Variants in DNAJC13 observed in about 807,000 individuals in gnomAD.
DNAJC13 encodes DnaJ heat shock protein family (Hsp40) member C13.
In DNAJC13, 75 loss-of-function variants were observed where a neutral mutation model predicts 290.5. That is an observed-to-expected ratio of 0.26 (90% confidence interval 0.21 to 0.31). The LOEUF (loss-of-function observed/expected upper bound fraction) is 0.31. Among genes scored for constraint, DNAJC13 ranks in the 10% least tolerant of loss-of-function variants. The probability of loss-of-function intolerance (pLI) is 1.00; values close to 1 mark genes in which losing one functional copy is unlikely to be tolerated. For synonymous variants in DNAJC13, 862 were observed against 892.0 expected (o/e 0.97, Z 0.60); for missense variants, 2,260 against 2,674.5 (o/e 0.85, Z 3.42).
intron 34 of DNAJC13, among the ~76,000 whole-genome samples, chr3:132,494,741 G>A (rs1336228468): frequency 6.6e-6 from 1 of 152,032 alleles, no homozygotes; most frequent in Non-Finnish European, 1.5e-5. Context: ...GTATATTTTG[G>A]CAAGACTGAT....
Position 132,447,485 on chromosome 3 carries a change from T to A in DNAJC13, c.294+15T>A. 1 of 1,543,384 alleles carries A rather than the reference T, an allele frequency of 6.5e-7. No homozygotes were observed. ...CAGAAGCATTGGTAAGAAGATTCCA[T>A]GTTCATAAATAAAATTTCTTTCTTC... On this transcript the variant is annotated intron_variant, in intron 4 of 55. Coordinates refer to ENST00000260818, the MANE Select transcript of DNAJC13 (RefSeq NM_015268.4).
At chr3:132,509,663 C>T (rs958588244) in intron 43 of DNAJC13, among the ~76,000 whole-genome samples, 1 of 152,180 alleles carries the variant, frequency 6.6e-6, no homozygotes, top group African/African-American at 2.4e-5. Context: ...CTTTGTTTTA[C>T]TTTGGGAAGC....
intron 12 of DNAJC13, among the ~76,000 whole-genome samples, 158 bp from the exon 13 acceptor site, chr3:132,457,110 GA>G (rs1353733539): frequency 6.6e-6 from 1 of 152,028 alleles, no homozygotes; most frequent in African/African-American, 2.4e-5. Flanking sequence ...CCCTCTCAAA[GA>G]AAAAACTATT....
intron 21 of DNAJC13, among the ~76,000 whole-genome samples, 198 bp downstream of exon 21, chr3:132,473,425 T>C (rs1934355895): frequency 6.6e-6 from 1 of 152,212 alleles, no homozygotes; most frequent in Non-Finnish European, 1.5e-5. Flanking sequence ...AGTGATAGTC[T>C]GAGGAACTAA....
chr3:132,536,932 T>TACC (rs775722667), intron 55 of DNAJC13, among the ~76,000 whole-genome samples: 95 of 152,304 alleles, frequency 6.2e-4, no homozygotes, highest in Non-Finnish European at 1.3e-3. Flanking sequence ...GGCACTCTGG[T>TACC]TGGCTTCAGT....
At chr3:132,440,717 A>G (rs1212441883) in intron 2 of DNAJC13, among the ~76,000 whole-genome samples, 1 of 152,242 alleles carries the variant, frequency 6.6e-6, no homozygotes, top group African/African-American at 2.4e-5. Flanking sequence ...TTGGGAAGAA[A>G]TCTGTGATAG....
intron 51 of DNAJC13, among the ~76,000 whole-genome samples, 198 bp from the exon 52 acceptor site, chr3:132,525,412 C>T (rs544964436): frequency 1.3e-5 from 2 of 152,300 alleles, no homozygotes; most frequent in South Asian, 4.1e-4. Context: ...ATAGCATATT[C>T]TTAAAGTCCT....
At chr3:132,475,208 T>TA in intron 22 of DNAJC13, 123 bp downstream of exon 22, 1 of 646,494 alleles carries the variant, frequency 1.5e-6, no homozygotes, top group Non-Finnish European at 2.3e-6. Context: ...CCTTTAATGT[T>TA]ATGTAGGAAA....
chr3:132,502,840 T>G (rs1048551339), intron 40 of DNAJC13, among the ~76,000 whole-genome samples: 1 of 152,230 alleles, frequency 6.6e-6, no homozygotes, highest in Non-Finnish European at 1.5e-5. Flanking sequence ...TTTTTATAGA[T>G]ATTTTTCTGT....
chr3:132,495,123 G>T lies in DNAJC13; in HGVS notation c.3977G>T (p.Arg1326Ile), dbSNP rs1935195339. 2 of 1,613,432 alleles carry T rather than the reference G, an allele frequency of 1.2e-6. No individual in the cohort carries two copies. The highest frequency in any genetic ancestry group is 2.7e-5 in the African/African-American group (2 of 74,908). Residue 1326 changes from arginine (R) to isoleucine (I), a missense_variant, in exon 35 of 56, where the codon AGA (arginine) becomes ATA (isoleucine). Arg to Ile is a moderately conservative substitution (Grantham distance 97). This residue lies in a region of DNAJC13 where 1,494 missense variants were observed against 1,693.7 expected (regional missense o/e 0.88). Coordinates refer to ENST00000260818, the MANE Select transcript of DNAJC13 (RefSeq NM_015268.4). ...AGCAAGATTAGGAAAGCTTACTTCA[G>T]ACTTGCACAAAAGTACCACCCTGAT... ...DESKIRKAYF[R>I]LAQKYHPDKN...
At chr3:132,530,529 T>A (rs2107753801) in intron 54 of DNAJC13, among the ~76,000 whole-genome samples, 1 of 152,386 alleles carries the variant, frequency 6.6e-6, no homozygotes, top group East Asian at 1.9e-4. Context: ...AATTTTGTTT[T>A]TTCAACAACA....
At chr3:132,419,408 A>ATT (rs1938891662) in intron 1 of DNAJC13, among the ~76,000 whole-genome samples, 2 of 152,004 alleles carry the variant, frequency 1.3e-5, no homozygotes, top group African/African-American at 4.8e-5. Context: ...ATAAAATATT[A>ATT]ATAAGTGAAT....
intron 29 of DNAJC13, 140 bp downstream of exon 29, chr3:132,484,812 CA>C: frequency 1.4e-6 from 1 of 726,604 alleles, no homozygotes; most frequent in Non-Finnish European, 2.3e-6. Context: ...CTCACACCTC[CA>C]ATCCCAGCAC....
rs753914660 is a variant in DNAJC13, at chr3:132,490,923, A to T, written c.3495A>T (p.Arg1165Ser). The stretch of plus-strand genomic sequence containing the variant: ...CAAAAGGACAAGATATTTTTCAGAG[A>T]AGTATACTTGGGCACATTCTACCTG... Reference protein sequence around the residue: ...EETKGQDIFQRSILGHILPEA... With the variant: ...EETKGQDIFQSSILGHILPEA... The change falls in exon 32 of 56, where the codon AGA (arginine) becomes AGT (serine). Residue 1165 changes from arginine to serine, a missense_variant. Physicochemically the swap from Arg to Ser is moderately radical, Grantham distance 110. This residue lies in a region of DNAJC13 where 1,494 missense variants were observed against 1,693.7 expected (regional missense o/e 0.88). Transcript: ENST00000260818. The T allele has an allele frequency of 6.2e-7, 1 of 1,602,634 alleles. No homozygotes were observed. The highest frequency in any genetic ancestry group is 8.5e-7 in the Non-Finnish European group (1 of 1,176,302).
At chr3:132,431,117 G>A (rs1334433482) in intron 1 of DNAJC13, among the ~76,000 whole-genome samples, 1 of 152,192 alleles carries the variant, frequency 6.6e-6, no homozygotes, top group African/African-American at 2.4e-5. Context: ...AGAGCATCAG[G>A]TTTGAAGTAG....
At chr3:132,499,659 T>G in intron 37 of DNAJC13, 75 bp from the exon 38 acceptor site, 1 of 1,222,418 alleles carries the variant, frequency 8.2e-7, no homozygotes, top group Non-Finnish European at 1.2e-6. Context: ...TTATTTATAT[T>G]TTATTACTGC....
intron 54 of DNAJC13, among the ~76,000 whole-genome samples, chr3:132,528,817 A>G (rs1415559489): frequency 1.3e-5 from 2 of 151,160 alleles, no homozygotes; most frequent in African/African-American, 2.4e-5. Flanking sequence ...GTGTTAATGT[A>G]TTTCAGCTGC....
intron 54 of DNAJC13, 45 bp from the exon 55 acceptor site, chr3:132,530,953 C>G (rs373643718): frequency 2.4e-5 from 37 of 1,551,534 alleles, no homozygotes; most frequent in Non-Finnish European, 3.3e-5. Flanking sequence ...CTTCCAACAT[C>G]CAGTCCTTGA....
chr3:132,483,700 C>A, intron 28 of DNAJC13, 123 bp downstream of exon 28: 1 of 1,018,582 alleles, frequency 9.8e-7, no homozygotes. Context: ...GCTGTTTTGA[C>A]CTTTGGAATT....
Sources: allele counts gnomAD v4.1 joint callset (sites outside exome capture counted in the v4.1 genomes callset), GRCh38; gene constraint gnomAD v4.1.1; regional missense constraint gnomAD v4.1.1; transcripts MANE v1.5; gene names NCBI Gene and HGNC (gene_info 2026-07-23, HGNC 2026-07-21).